Variants in ZNF546 observed in about 807,000 individuals in gnomAD.
ZNF546 encodes the protein CTC-471F3.6.
ZNF546 carries 60 observed loss-of-function variants against 76.2 expected under a neutral mutation model. The ratio of observed to expected loss-of-function variants is 0.79; its 90% CI spans 0.64 to 0.98. The LOEUF (loss-of-function observed/expected upper bound fraction) is 0.98. Ranked by LOEUF, ZNF546 falls within the 50% of genes least tolerant of loss-of-function variation. The probability of loss-of-function intolerance (pLI) is 0.00; values close to 1 mark genes in which losing one functional copy is unlikely to be tolerated. For synonymous variants in ZNF546, 277 were observed against 328.1 expected (o/e 0.84, Z 1.68); for missense variants, 936 against 1,035.6 (o/e 0.90, Z 1.32).
At position 40,020,433 on chromosome 19, in the gene ZNF546, T is replaced by C. The variant is rs1286331010; in HGVS notation, c.*4652T>C. 1 of 152,200 alleles carries C rather than the reference T, an allele frequency of 6.6e-6. No homozygotes were observed. Among genetic ancestry groups the C allele is most frequent in the Non-Finnish European group, 1.5e-5 (1 of 68,018 alleles). The allele number at this position is 152,200 out of a possible 1,614,324, so 9.4% of individuals were successfully genotyped here. A position where few individuals can be genotyped will look rare whatever the true frequency, so the allele number is the denominator to read the frequency against. ...CAGAGTATTTTGAGACGTATATTAA[T>C]GCAAAATATTGTTAATGTATCAGTG... On this transcript the variant is annotated 3_prime_UTR_variant, in exon 7 of 7. Coordinates refer to ENST00000347077, the MANE Select transcript of ZNF546 (RefSeq NM_178544.5).
chr19:40,014,257 T>C lies in ZNF546; in HGVS notation c.987T>C (p.Tyr329=). Residue 329 remains tyrosine (Y), a synonymous_variant, in exon 7 of 7, where the codon TAT becomes TAC. Coordinates refer to ENST00000347077, the MANE Select transcript of ZNF546 (RefSeq NM_178544.5). ...HQTIHAGERP[Y]ECKECGKAFR... ...CAATTCATGCTGGAGAGAGACCTTA[T>C]GAATGTAAAGAATGTGGGAAGGCCT... 1.2e-6 allele frequency: 2 copies of C among 1,613,878 alleles called. No homozygotes were observed. The highest frequency in any genetic ancestry group is 1.1e-5 in the South Asian group (1 of 91,070).
In ZNF546 at chr19:40,015,507, A is replaced by G. The variant is rs771790843; in HGVS notation, c.2237A>G (p.Glu746Gly). 6.2e-7 allele frequency: 1 copy of G among 1,614,220 alleles called. No individual in the cohort carries two copies. Reference protein sequence around the residue: ...LTQHFRLHTGEKPYSCKECGN... With the variant: ...LTQHFRLHTGGKPYSCKECGN... ...CAACATTTTAGACTTCATACTGGTGAGAAACCTTATAGCTGTAAAGAATGT... is the reference window on the plus strand; with the variant it reads ...CAACATTTTAGACTTCATACTGGTGGGAAACCTTATAGCTGTAAAGAATGT... The change falls in exon 7 of 7, where the codon GAG becomes GGG. Residue 746 changes from glutamate to glycine, a missense_variant. Glu to Gly is a moderately conservative substitution (Grantham distance 98). Transcript: ENST00000347077.
intron 3 of ZNF546, among the ~76,000 whole-genome samples, chr19:40,003,104 C>T (rs12986003): frequency 2.0e-5 from 3 of 146,992 alleles, no homozygotes; most frequent in East Asian, 4.0e-4. Flanking sequence ...GGTGCAATCT[C>T]GGCTCACTGC....
intron 3 of ZNF546, among the ~76,000 whole-genome samples, chr19:40,005,477 C>T (rs887425092): frequency 1.3e-5 from 2 of 152,130 alleles, no homozygotes; most frequent in East Asian, 3.8e-4. Context: ...TGATGTTGCT[C>T]ATCTGGCATA....
intron 3 of ZNF546, among the ~76,000 whole-genome samples, chr19:40,003,161 G>A (rs1404330222): frequency 6.7e-5 from 10 of 149,794 alleles, no homozygotes; most frequent in African/African-American, 1.2e-4. Flanking sequence ...TCAGCCTCCC[G>A]AGTAGCTGGG....
In ZNF546 at chr19:40,017,474, AT is replaced by A. The variant is rs1425495304; in HGVS notation, c.*1696del. ...TAATATTTACATATTTTGCTGTAGTATTTGAGTATAAATTGCAGATACTATA... is the reference window on the plus strand; with the variant it reads ...TAATATTTACATATTTTGCTGTAGTATTGAGTATAAATTGCAGATACTATA... On this transcript the variant is annotated 3_prime_UTR_variant, in exon 7 of 7. Coordinates refer to ENST00000347077, the MANE Select transcript of ZNF546 (RefSeq NM_178544.5). 5.3e-5 allele frequency: 8 copies of A among 152,228 alleles called. No individual in the cohort carries two copies. The highest frequency in any genetic ancestry group is 3.9e-4 in the Admixed American group (6 of 15,276). The allele number at this position is 152,228 out of a possible 1,614,324, so 9.4% of individuals were successfully genotyped here.
chr19:40,015,350 A>C lies in ZNF546; in HGVS notation c.2080A>C (p.Ile694Leu). The C allele has an allele frequency of 1.9e-6, 3 of 1,614,172 alleles. No individual in the cohort carries two copies. Among genetic ancestry groups the C allele is most frequent in the South Asian group, 2.2e-5 (2 of 91,084 alleles). Residue 694 changes from isoleucine (I) to leucine (L), a missense_variant, in exon 7 of 7, where the codon ATA (isoleucine) becomes CTA (leucine). By Grantham distance (5) the Ile-to-Leu change is conservative (BLOSUM62 2). Coordinates refer to ENST00000347077, the MANE Select transcript of ZNF546 (RefSeq NM_178544.5). ...AGGCCATACTGGTGAGAAGCCCTACATATGTAATGAATGTGGGAATGCTTT... is the reference window on the plus strand; with the variant it reads ...AGGCCATACTGGTGAGAAGCCCTACCTATGTAATGAATGTGGGAATGCTTT... ...HRGHTGEKPY[I>L]CNECGNAFIC...
intron 3 of ZNF546, among the ~76,000 whole-genome samples, chr19:40,005,728 A>C (rs1971594511): frequency 6.6e-6 from 1 of 152,174 alleles, no homozygotes; most frequent in Non-Finnish European, 1.5e-5. Context: ...TAATTAGAGA[A>C]ATGTGGATTC....
chr19:40,004,317 G>T (rs959151590), intron 3 of ZNF546, among the ~76,000 whole-genome samples: 1 of 151,656 alleles, frequency 6.6e-6, no homozygotes, highest in Non-Finnish European at 1.5e-5. Context: ...GCACAGGCTG[G>T]ACTACAGTGG....
In ZNF546 at chr19:40,015,310, T is replaced by TA. The variant is rs781079408; in HGVS notation, c.2041dup (p.Thr681AsnfsTer10). ...AGACGTTTAGTCGGCACTATCATCT[T>TA]ACTCAACATCACAGAGGCCATACTG... On this transcript the variant is annotated frameshift_variant, in exon 7 of 7. Coordinates refer to ENST00000347077, the MANE Select transcript of ZNF546 (RefSeq NM_178544.5). LOFTEE classifies it high-confidence loss of function. 6.4e-5 allele frequency: 104 copies of TA among 1,614,140 alleles called. No homozygotes were observed. In the South Asian group the frequency reaches 8.3e-4, roughly 13 times the overall value.
At chr19:40,004,007 A>T (rs1331889636) in intron 3 of ZNF546, among the ~76,000 whole-genome samples, 1 of 129,220 alleles carries the variant, frequency 7.7e-6, no homozygotes, top group Non-Finnish European at 1.5e-5. Flanking sequence ...GTGAGACTCT[A>T]TCTCAAAAAA....
intron 3 of ZNF546, among the ~76,000 whole-genome samples, chr19:40,001,112 G>C (rs933990757): frequency 6.6e-6 from 1 of 152,074 alleles, no homozygotes; most frequent in African/African-American, 2.4e-5. Flanking sequence ...TAATGCTGCA[G>C]CTGATCTGAC....
At position 40,013,982 on chromosome 19, in the gene ZNF546, A is replaced by T. The variant is rs1568388142; in HGVS notation, c.712A>T (p.Ile238Phe). The change falls in exon 7 of 7, where the codon ATT (isoleucine) becomes TTT (phenylalanine). Residue 238 changes from isoleucine to phenylalanine, a missense_variant. By Grantham distance (21) the Ile-to-Phe change is conservative. Transcript: ENST00000347077. ...GTCATACCTTATTCAACATCTGAGA[A>T]TTCACACTGGTGAGAGACCCTATAA... ...QQSYLIQHLR[I>F]HTGERPYKCM... The T allele has an allele frequency of 9.9e-6, 16 of 1,613,116 alleles. No individual in the cohort carries two copies. Among genetic ancestry groups the T allele is most frequent in the Non-Finnish European group, 1.4e-5 (16 of 1,179,424 alleles).
intron 5 of ZNF546, among the ~76,000 whole-genome samples, chr19:40,007,982 A>G (rs1012729876): frequency 2.6e-5 from 4 of 152,244 alleles, no homozygotes; most frequent in African/African-American, 9.6e-5. Context: ...TATTTCTCCT[A>G]GGAAAATAGT....
chr19:40,009,990 A>G (rs781530986), intron 6 of ZNF546, among the ~76,000 whole-genome samples: 19 of 151,864 alleles, frequency 1.3e-4, no homozygotes, highest in Non-Finnish European at 1.3e-4. Flanking sequence ...ACTTTCATGT[A>G]AAATTCTTGG....
At chr19:40,008,303 G>A (rs1971631649) in intron 5 of ZNF546, among the ~76,000 whole-genome samples, 167 bp from the exon 6 acceptor site, 1 of 152,186 alleles carries the variant, frequency 6.6e-6, no homozygotes, top group South Asian at 2.1e-4. Flanking sequence ...CCATGTTAAC[G>A]TGAATATTCT....
In ZNF546 at chr19:40,014,713, T is replaced by A. The variant is rs761170975; in HGVS notation, c.1443T>A (p.Gly481=). The change falls in exon 7 of 7, where the codon GGT becomes GGA. Residue 481 remains glycine (G), a synonymous_variant. Coordinates refer to ENST00000347077, the MANE Select transcript of ZNF546 (RefSeq NM_178544.5). ...CKECGKAFIC[G]YQLTLHLRTH... ...AATGTGGGAAGGCCTTTATTTGTGGTTATCAACTTACTTTACATCTGAGAA... is the reference window on the plus strand; with the variant it reads ...AATGTGGGAAGGCCTTTATTTGTGGATATCAACTTACTTTACATCTGAGAA... The A allele has an allele frequency of 6.9e-6, 11 of 1,604,998 alleles. No individual in the cohort carries two copies. The highest frequency in any genetic ancestry group is 3.4e-5 in the Admixed American group (2 of 59,124).
chr19:40,013,255 A>G (rs1043116445), intron 6 of ZNF546, among the ~76,000 whole-genome samples: 2 of 152,214 alleles, frequency 1.3e-5, no homozygotes, highest in African/African-American at 4.8e-5. Context: ...CTGTTTTTGC[A>G]TGGCTCTTAA....
At chr19:39,998,643 T>C (rs946054977) in intron 3 of ZNF546, 32 of 495,966 alleles carry the variant, frequency 6.5e-5, no homozygotes, top group Middle Eastern at 5.3e-4. Flanking sequence ...TAGAAATCTG[T>C]GTGAACATGA....
Sources: gnomAD v4.1 joint callset for allele counts (sites outside exome capture counted in the v4.1 genomes callset) on GRCh38, gnomAD v4.1.1 for gene constraint, MANE v1.5 for transcripts, NCBI Gene and HGNC (gene_info 2026-07-23, HGNC 2026-07-21) for gene names.